Variants in XRN2 observed in about 807,000 individuals in gnomAD.
The protein encoded by XRN2 is DHM1-like protein.
XRN2 carries 44 observed loss-of-function variants against 138.5 expected under a neutral mutation model. That is an observed-to-expected ratio of 0.32 (90% CI 0.25 to 0.41). XRN2 has a LOEUF of 0.41. Among genes scored for constraint, XRN2 ranks in the 10% least tolerant of loss-of-function variants. XRN2 has a pLI of 1.00. For missense variants in XRN2, 937 were observed against 1,169.3 expected (o/e 0.80, Z 2.90); for synonymous variants, 354 against 369.4 (o/e 0.96, Z 0.48).
Position 21,387,018 on chromosome 20 carries a change from T to C in XRN2, c.2787+12T>C, listed in dbSNP as rs775151690. The C allele has an allele frequency of 2.5e-6, 4 of 1,602,668 alleles. No homozygotes were observed. The East Asian group carries it at 9.0e-5, about 36-fold the overall frequency. On this transcript the variant is annotated intron_variant, in intron 29 of 29. Transcript: ENST00000377191. ...GTGGAGGGAGACAGGTAAATGGTTG[T>C]GGGATGAAAAGTATACTGCTCACTT...
At chr20:21,320,360 C>G (rs2122185116) in intron 1 of XRN2, among the ~76,000 whole-genome samples, 1 of 151,794 alleles carries the variant, frequency 6.6e-6, no homozygotes, top group East Asian at 1.9e-4. Flanking sequence ...AGTGCAGTGG[C>G]ACGATCTCGG....
chr20:21,326,217 C>T, intron 1 of XRN2, 62 bp from the exon 2 acceptor site: 2 of 1,543,086 alleles, frequency 1.3e-6, no homozygotes. Flanking sequence ...CATATTGAGC[C>T]TAGGATCTGT....
At chr20:21,380,378 A>G (rs1005910132) in intron 27 of XRN2, among the ~76,000 whole-genome samples, 1 of 152,232 alleles carries the variant, frequency 6.6e-6, no homozygotes, top group African/African-American at 2.4e-5. Flanking sequence ...ATTGAAATTC[A>G]TATATGTAAA....
In XRN2 at chr20:21,389,803, AT is replaced by A. The variant is rs945673124; in HGVS notation, c.*466del. On this transcript the variant is annotated 3_prime_UTR_variant, in exon 30 of 30. Transcript: ENST00000377191. ...AATTTCTGAACTTTAGTAAAAAAAA[AT>A]AAAGTTAAACTTTTAAAACTCTGTT... 3 of 152,746 alleles carry A rather than the reference AT, an allele frequency of 2.0e-5. No homozygotes were observed. Among genetic ancestry groups the A allele is most frequent in the Non-Finnish European group, 2.9e-5 (2 of 68,106 alleles). The allele number at this position is 152,746 out of a possible 1,614,324, so 9.5% of individuals were successfully genotyped here.
chr20:21,388,279 A>G (rs1196445089), intron 29 of XRN2, among the ~76,000 whole-genome samples: 2 of 152,188 alleles, frequency 1.3e-5, no homozygotes, highest in Non-Finnish European at 2.9e-5. Context: ...TCCTTTGGAG[A>G]TCTTCCTTTT....
At chr20:21,376,071 C>T (rs958620664) in intron 27 of XRN2, among the ~76,000 whole-genome samples, 1 of 152,168 alleles carries the variant, frequency 6.6e-6, no homozygotes, top group Non-Finnish European at 1.5e-5. Context: ...ATCTCCTGAC[C>T]TCGTGATCCG....
intron 27 of XRN2, among the ~76,000 whole-genome samples, chr20:21,379,206 C>G (rs892358712): frequency 2.0e-5 from 3 of 152,144 alleles, no homozygotes; most frequent in Non-Finnish European, 1.5e-5. Context: ...AAAAAATTTT[C>G]CACTCTCGCC....
At chr20:21,318,281 C>G (rs979448848) in intron 1 of XRN2, among the ~76,000 whole-genome samples, 3 of 152,132 alleles carry the variant, frequency 2.0e-5, no homozygotes, top group African/African-American at 7.2e-5. Context: ...TCTCTCGTCT[C>G]TGATTCTAGT....
rs768820285 is a variant in XRN2 at position 21,354,883 on chromosome 20, T to C, written c.2020+11T>C. 24 of 1,605,754 alleles carry C rather than the reference T, an allele frequency of 1.5e-5. No homozygotes were observed. In the Admixed American group the frequency reaches 2.8e-4, roughly 19 times the overall value. ...TCACTCCAGAAGAGAGTAAGAATTA[T>C]ACTTCTTAGTTAACATTGATCTGTG... On this transcript the variant is annotated intron_variant, in intron 21 of 29. Coordinates refer to ENST00000377191, the MANE Select transcript of XRN2 (RefSeq NM_012255.5).
intron 27 of XRN2, among the ~76,000 whole-genome samples, chr20:21,379,664 T>A (rs1421467485): frequency 6.6e-6 from 1 of 152,234 alleles, no homozygotes; most frequent in Non-Finnish European, 1.5e-5. Context: ...AAATGTTTGC[T>A]GTTTTTTAAG....
intron 6 of XRN2, 77 bp from the exon 7 acceptor site, chr20:21,331,484 G>A (rs575468696): frequency 1.6e-6 from 2 of 1,247,632 alleles, no homozygotes; most frequent in African/African-American, 3.0e-5. Flanking sequence ...AGTTTTTCTT[G>A]AGACATATAA....
rs2038592370 is a variant in XRN2, at chr20:21,357,697, AGTT to A, written c.2199-38_2199-36del. The stretch of plus-strand genomic sequence containing the variant: ...TATTTCCACTTACCTAAAAGGTTAC[AGTT>A]TACAGAGAGATGTTTCTTCTCTTGT... On this transcript the variant is annotated intron_variant, in intron 23 of 29. Coordinates refer to ENST00000377191, the MANE Select transcript of XRN2 (RefSeq NM_012255.5). 4 of 1,522,814 alleles carry A rather than the reference AGTT, an allele frequency of 2.6e-6. No individual in the cohort carries two copies. The East Asian group carries it at 9.4e-5, about 36-fold the overall frequency. The allele number at this position is 1,522,814 out of a possible 1,614,324, so 94.3% of individuals were successfully genotyped here.
intron 27 of XRN2, among the ~76,000 whole-genome samples, chr20:21,381,707 CACACAT>C (rs995650169): frequency 4.7e-4 from 19 of 40,082 alleles, no homozygotes; most frequent in South Asian, 1.1e-3. Flanking sequence ...TTTACTTACA[CACACAT>C]ACACACACAC....
At position 21,386,758 on chromosome 20, in the gene XRN2, A is replaced by G. The variant is rs1167843790; in HGVS notation, c.2649-110A>G. On this transcript the variant is annotated intron_variant, in intron 28 of 29. Transcript: ENST00000377191. ...TGATACTCTGTATCCCATATGATAAATCCAGGTAAATTGGATTGTACTAAA... is the reference window on the plus strand; with the variant it reads ...TGATACTCTGTATCCCATATGATAAGTCCAGGTAAATTGGATTGTACTAAA... 6.5e-6 allele frequency: 9 copies of G among 1,376,380 alleles called. No homozygotes were observed. The Admixed American group carries it at 1.8e-4, about 28-fold the overall frequency. The allele number at this position is 1,376,380 out of a possible 1,614,324, so 85.3% of individuals were successfully genotyped here.
At chr20:21,360,460 T>G (rs1192723373) in intron 24 of XRN2, among the ~76,000 whole-genome samples, 2 of 151,802 alleles carry the variant, frequency 1.3e-5, no homozygotes, top group Non-Finnish European at 2.9e-5. Context: ...TTAGGTTGTT[T>G]TTTTTTTTTT....
intron 27 of XRN2, among the ~76,000 whole-genome samples, chr20:21,375,010 CTT>C (rs34212552): frequency 7.2e-4 from 32 of 44,676 alleles, no homozygotes; most frequent in African/African-American, 2.1e-3. Flanking sequence ...TTGGTAAGTT[CTT>C]TTTTTTTTTT....
intron 15 of XRN2, 104 bp from the exon 16 acceptor site, chr20:21,343,985 TA>T: frequency 1.2e-6 from 1 of 809,452 alleles, no homozygotes; most frequent in Non-Finnish European, 2.0e-6. Context: ...GTAGTAGCTT[TA>T]AAAATGTTAC....
chr20:21,315,829 T>TGTA (rs2037951525), intron 1 of XRN2, among the ~76,000 whole-genome samples: 1 of 152,240 alleles, frequency 6.6e-6, no homozygotes. Flanking sequence ...GTTGTCCTAT[T>TGTA]GAAGTGTAAG....
chr20:21,370,090 C>A (rs1046870743), intron 27 of XRN2, among the ~76,000 whole-genome samples: 1 of 152,070 alleles, frequency 6.6e-6, no homozygotes, highest in Non-Finnish European at 1.5e-5. Context: ...CCAGTTTTCC[C>A]AGCACCATTT....
Sources: allele counts gnomAD v4.1 joint callset (sites outside exome capture counted in the v4.1 genomes callset), GRCh38; gene constraint gnomAD v4.1.1; transcripts MANE v1.5; gene names NCBI Gene and HGNC (gene_info 2026-07-23, HGNC 2026-07-21).